The following AP3S2 variants were observed in gnomAD, a reference collection of about 807,000 sequenced individuals.
AP3S2 encodes AP-3 complex subunit sigma-2.
In AP3S2, 22 loss-of-function variants were observed where a neutral mutation model predicts 23.4. That is an observed-to-expected ratio of 0.94 (90% CI 0.67 to 1.34). The LOEUF (loss-of-function observed/expected upper bound fraction) is 1.34, where lower values mean the gene tolerates loss of function less well. AP3S2 is among the 40% of genes most tolerant of loss of function. The pLI is 0.00. For missense variants in AP3S2, 241 were observed against 236.9 expected, an observed-to-expected ratio of 1.02 and a Z score of -0.11; for synonymous variants, 86 against 87.1, an observed-to-expected ratio of 0.99 and a Z score of 0.07.
At position 89,837,080 on chromosome 15, in the gene AP3S2, C is replaced by A. The variant is rs138914204; in HGVS notation, c.453+535G>T. On this transcript the variant is annotated intron_variant, in intron 5 of 5. Coordinates refer to ENST00000336418, the MANE Select transcript of AP3S2 (RefSeq NM_005829.5). ...ATGTGAACATCTCTATCAAGCCCAG[C>A]ACCATGTGGGGGTGGACTGGGGTAT... Among the ~76,000 whole-genome samples the A allele has an allele frequency of 3.8e-4, 58 of 152,324 alleles. No homozygotes were observed. In the East Asian group the frequency reaches 0.011, roughly 29 times the overall value.
chr15:89,848,182 T>C (rs1228608994), intron 4 of AP3S2, among the ~76,000 whole-genome samples: 1 of 152,204 alleles, frequency 6.6e-6, no homozygotes, highest in Non-Finnish European at 1.5e-5. Flanking sequence ...TGTGGAGTCT[T>C]TCTCAAAATA....
chr15:89,886,181 G>A (rs999533850), intron 3 of AP3S2, among the ~76,000 whole-genome samples: 1 of 151,656 alleles, frequency 6.6e-6, no homozygotes, highest in African/African-American at 2.4e-5. Flanking sequence ...AAACCCTGTC[G>A]CTACTAAAAC....
intron 3 of AP3S2, among the ~76,000 whole-genome samples, chr15:89,883,589 G>A (rs1275443687): frequency 1.3e-5 from 2 of 151,938 alleles, no homozygotes. Context: ...ATGTTGCCCA[G>A]GCTGGTCTTG....
At chr15:89,884,561 C>T (rs117103631) in intron 3 of AP3S2, among the ~76,000 whole-genome samples, 2,114 of 151,956 alleles carry the variant, frequency 0.014, 21 homozygotes, top group Non-Finnish European at 0.023. Context: ...TCTCACAATC[C>T]CTTGGTTCAA....
rs34784306 is a variant in AP3S2 at position 89,855,945 on chromosome 15, TAAAAAAAAA to T, written c.345+15521_345+15529del. On this transcript the variant is annotated intron_variant, in intron 4 of 5. Transcript: ENST00000336418. ...GTATGAATAAATATGATATGTCCTTTAAAAAAAAAAAAAAAAAAAAAAAGAATCAATGAA... is the reference window on the plus strand; with the variant it reads ...GTATGAATAAATATGATATGTCCTTTAAAAAAAAAAAAAAGAATCAATGAA... Among the ~76,000 whole-genome samples the T allele has an allele frequency of 4.5e-5, 5 of 111,950 alleles. No individual in the cohort carries two copies. In the East Asian group the frequency reaches 1.0e-3, roughly 23 times the overall value. 73.4% of individuals were successfully genotyped at this position (111,950 alleles called of 152,430 possible).
intron 4 of AP3S2, among the ~76,000 whole-genome samples, chr15:89,855,009 ACC>A (rs1346940618): frequency 1.3e-4 from 12 of 91,182 alleles, no homozygotes; most frequent in African/African-American, 4.2e-4. Flanking sequence ...CCCGGCCACC[ACC>A]CCGTCTGGGA....
At chr15:89,853,042 TTAAA>T (rs1447093143) in intron 4 of AP3S2, among the ~76,000 whole-genome samples, 6 of 152,170 alleles carry the variant, frequency 3.9e-5, no homozygotes, top group African/African-American at 7.2e-5. Context: ...GAAAATTCAC[TTAAA>T]TAACACACTT....
In AP3S2 at chr15:89,835,369, T is replaced by C. The variant is rs1163207984; in HGVS notation, c.*146A>G. ...CAATAGGAATCCCTTCCCTATTCCA[T>C]GCCAAACAGTCTTCCCCAGACACAA... On this transcript the variant is annotated 3_prime_UTR_variant, in exon 6 of 6. Coordinates refer to ENST00000336418, the MANE Select transcript of AP3S2 (RefSeq NM_005829.5). 5.7e-6 allele frequency: 8 copies of C among 1,399,668 alleles called. No homozygotes were observed. Among genetic ancestry groups the C allele is most frequent in the East Asian group, 2.3e-5 (1 of 43,308 alleles). The allele number at this position is 1,399,668 out of a possible 1,614,324, so 86.7% of individuals were successfully genotyped here.
chr15:89,843,947 G>A (rs140667126), intron 4 of AP3S2, among the ~76,000 whole-genome samples: 11 of 152,334 alleles, frequency 7.2e-5, no homozygotes, highest in East Asian at 5.8e-4. Context: ...CTTTGATGAT[G>A]TATAAAACTC....
Position 89,856,701 on chromosome 15 carries a change from CAAAAA to C in AP3S2, c.345+14769_345+14773del, listed in dbSNP as rs34735772. Among the ~76,000 whole-genome samples, 138 of 75,078 alleles carry C rather than the reference CAAAAA, an allele frequency of 1.8e-3. 2 individuals carry two copies. Among genetic ancestry groups the C allele is most frequent in the African/African-American group, 6.8e-3 (128 of 18,906 alleles). 49.3% of individuals were successfully genotyped at this position (75,078 alleles called of 152,430 possible). A position where few individuals can be genotyped will look rare whatever the true frequency, so the allele number is the denominator to read the frequency against. On this transcript the variant is annotated intron_variant, in intron 4 of 5. Coordinates refer to ENST00000336418, the MANE Select transcript of AP3S2 (RefSeq NM_005829.5). ...TGGATGACAGAGTGAGACTCCATCTCAAAAAAAAAAAAAAAAAAAATATTCGCTGG... is the reference window on the plus strand; with the variant it reads ...TGGATGACAGAGTGAGACTCCATCTCAAAAAAAAAAAAAAATATTCGCTGG...
intron 4 of AP3S2, chr15:89,852,449 G>C (rs956983158): frequency 6.6e-6 from 1 of 152,202 alleles, no homozygotes; most frequent in Non-Finnish European, 1.5e-5. Flanking sequence ...TCCATGAAGA[G>C]AGCTCACTAC....
Position 89,835,540 on chromosome 15 carries a change from AC to A in AP3S2, c.556del (p.Val186PhefsTer15), listed in dbSNP as rs1895167306. The A allele has an allele frequency of 6.2e-7, 1 of 1,613,902 alleles. No individual in the cohort carries two copies. The highest frequency in any genetic ancestry group is 1.3e-5 in the African/African-American group (1 of 74,848). On this transcript the variant is annotated frameshift_variant, in exon 6 of 6. Coordinates refer to ENST00000336418, the MANE Select transcript of AP3S2 (RefSeq NM_005829.5). LOFTEE classifies it high-confidence loss of function. ...TCAGACAAACTGGGACAGGTTGGGA[AC>A]TTTGATGTTGAGATCGCCAATGTTG... ...NINIGDLNIKVPNLSQFV is the reference protein window; with the variant it reads ...NINIGDLNIKXPNLSQFV
chr15:89,875,854 T>G (rs1896430600), intron 3 of AP3S2, among the ~76,000 whole-genome samples: 1 of 151,234 alleles, frequency 6.6e-6, no homozygotes, highest in Non-Finnish European at 1.5e-5. Flanking sequence ...GAGGCTGTGG[T>G]GAGAAGCTTG....
chr15:89,859,604 A>G (rs1008725169), intron 4 of AP3S2, among the ~76,000 whole-genome samples: 1 of 151,534 alleles, frequency 6.6e-6, no homozygotes, highest in Non-Finnish European at 1.5e-5. Flanking sequence ...CACGTTGGCC[A>G]GGCTGGTCTC....
In AP3S2 at chr15:89,830,921, G is replaced by A. The variant is rs2141826972; in HGVS notation, c.*4594C>T. On this transcript the variant is annotated 3_prime_UTR_variant, in exon 6 of 6. Transcript: ENST00000336418. The stretch of plus-strand genomic sequence containing the variant: ...TCAAACGGAACACAACCCACTCTCA[G>A]GAAGACATCCCTAACACAAATCCAG... The A allele has an allele frequency of 6.6e-6, 1 of 152,156 alleles. No homozygotes were observed. Among genetic ancestry groups the A allele is most frequent in the African/African-American group, 2.4e-5 (1 of 41,500 alleles). 9.4% of individuals were successfully genotyped at this position (152,156 alleles called of 1,614,324 possible).
chr15:89,859,368 T>C (rs1895951796), intron 4 of AP3S2, among the ~76,000 whole-genome samples: 1 of 114,226 alleles, frequency 8.8e-6, no homozygotes, highest in Non-Finnish European at 1.8e-5. Context: ...TTCCTTTCCT[T>C]CCTTCCTTCC....
intron 4 of AP3S2, among the ~76,000 whole-genome samples, chr15:89,866,068 C>G (rs1301772281): frequency 6.6e-6 from 1 of 151,856 alleles, no homozygotes. Context: ...TGGAGACCAG[C>G]CTGACAGATA....
chr15:89,844,758 G>A (rs1015594894), intron 4 of AP3S2, among the ~76,000 whole-genome samples: 1 of 152,118 alleles, frequency 6.6e-6, no homozygotes, highest in African/African-American at 2.4e-5. Flanking sequence ...TCAAACTGCT[G>A]TGAAACAGTA....
intron 3 of AP3S2, among the ~76,000 whole-genome samples, chr15:89,879,880 C>T (rs1372315575): frequency 6.6e-6 from 1 of 151,930 alleles, no homozygotes; most frequent in Admixed American, 6.6e-5. Context: ...CGCCACCGCA[C>T]TCTGGGCGAC....
Sources: allele counts gnomAD v4.1 joint callset (sites outside exome capture counted in the v4.1 genomes callset), GRCh38; gene constraint gnomAD v4.1.1; transcripts MANE v1.5; gene names NCBI Gene and HGNC (gene_info 2026-07-23, HGNC 2026-07-21).